The following ZNF766 variants were observed in gnomAD, a reference collection of about 807,000 sequenced individuals.
The protein encoded by ZNF766 is zinc finger protein 766.
Under a neutral mutation model 13.2 loss-of-function variants are expected in ZNF766, and 13 were observed. The ratio of observed to expected loss-of-function variants is 0.98; its 90% CI spans 0.64 to 1.56. The LOEUF (loss-of-function observed/expected upper bound fraction) is 1.56, where lower values mean the gene tolerates loss of function less well. Among genes scored for constraint, ZNF766 ranks in the 40% most tolerant of loss-of-function variants. The pLI, the probability that ZNF766 is intolerant of heterozygous loss-of-function variation, is 0.00. For missense variants in ZNF766, 521 were observed against 552.2 expected (o/e 0.94, Z 0.57); for synonymous variants, 178 against 187.6 (o/e 0.95, Z 0.42).
chr19:52,280,586 A>C (rs1028169804), intron 1 of ZNF766, among the ~76,000 whole-genome samples: 2 of 151,818 alleles, frequency 1.3e-5, no homozygotes, highest in African/African-American at 4.8e-5. Flanking sequence ...TTTTAATTTT[A>C]TTTTTCATTT....
At chr19:52,286,056 A>G (rs939822192) in intron 3 of ZNF766, among the ~76,000 whole-genome samples, 13 of 151,338 alleles carry the variant, frequency 8.6e-5, no homozygotes, top group African/African-American at 3.2e-4. Context: ...TCAATGAAAG[A>G]GAGTTAATAA....
intron 1 of ZNF766, among the ~76,000 whole-genome samples, chr19:52,270,152 T>C (rs1980912898): frequency 6.6e-6 from 1 of 152,040 alleles, no homozygotes; most frequent in South Asian, 2.1e-4. Flanking sequence ...CCGGGACCTA[T>C]CTCAGGGCAC....
At chr19:52,288,912 C>G (rs1981969319) in intron 3 of ZNF766, among the ~76,000 whole-genome samples, 2 of 152,128 alleles carry the variant, frequency 1.3e-5, no homozygotes, top group African/African-American at 4.8e-5. Flanking sequence ...GTGGCACGAT[C>G]TCGGCTCACT....
At chr19:52,285,888 T>A (rs1206909375) in intron 3 of ZNF766, among the ~76,000 whole-genome samples, 1 of 152,156 alleles carries the variant, frequency 6.6e-6, no homozygotes. Flanking sequence ...ACCCAAAGAC[T>A]GTAGCAAGGG....
chr19:52,291,249 T>G lies in ZNF766; in HGVS notation c.*51T>G. The G allele has an allele frequency of 1.3e-6, 2 of 1,489,698 alleles. No homozygotes were observed. The highest frequency in any genetic ancestry group is 2.8e-5 in the African/African-American group (2 of 71,238). The allele number at this position is 1,489,698 out of a possible 1,614,324, so 92.3% of individuals were successfully genotyped here. On this transcript the variant is annotated 3_prime_UTR_variant, in exon 4 of 4. Coordinates refer to ENST00000439461, the MANE Select transcript of ZNF766 (RefSeq NM_001010851.3). ...TAGCAGTAATCAACATCCGAGAGTCTATACTAGAAAGAAATCATTTAAATG... is the reference window on the plus strand; with the variant it reads ...TAGCAGTAATCAACATCCGAGAGTCGATACTAGAAAGAAATCATTTAAATG...
At chr19:52,280,473 A>C (rs1344061720) in intron 1 of ZNF766, among the ~76,000 whole-genome samples, 1 of 152,222 alleles carries the variant, frequency 6.6e-6, no homozygotes, top group Non-Finnish European at 1.5e-5. Context: ...TTATAAACTA[A>C]GTGTGTGTAA....
Position 52,292,780 on chromosome 19 carries a change from T to C in ZNF766, c.*1582T>C, listed in dbSNP as rs1222096370. 2 of 152,236 alleles carry C rather than the reference T, an allele frequency of 1.3e-5. No individual in the cohort carries two copies. The highest frequency in any genetic ancestry group is 2.9e-5 in the Non-Finnish European group (2 of 68,052). 9.4% of individuals were successfully genotyped at this position (152,236 alleles called of 1,614,324 possible). A position where few individuals can be genotyped will look rare whatever the true frequency, so the allele number is the denominator to read the frequency against. On this transcript the variant is annotated 3_prime_UTR_variant, in exon 4 of 4. Transcript: ENST00000439461. The stretch of plus-strand genomic sequence containing the variant: ...TTTATCTCGTCTCAGGAGGATACTT[T>C]ATAGCAGACAATAATAAGGCACCAT...
chr19:52,282,280 A>G, intron 2 of ZNF766, 43 bp downstream of exon 2: 1 of 1,543,190 alleles, frequency 6.5e-7, no homozygotes, highest in Non-Finnish European at 8.7e-7. Context: ...TGCCCTTAGT[A>G]TCTCTGCATT....
At chr19:52,275,840 C>G (rs918185515) in intron 1 of ZNF766, among the ~76,000 whole-genome samples, 3 of 152,060 alleles carry the variant, frequency 2.0e-5, no homozygotes, top group African/African-American at 7.2e-5. Context: ...ACTTTCATGC[C>G]TAGCTAATTT....
intron 1 of ZNF766, among the ~76,000 whole-genome samples, chr19:52,274,252 C>A (rs764520748): frequency 6.6e-6 from 1 of 152,150 alleles, no homozygotes; most frequent in Non-Finnish European, 1.5e-5. Flanking sequence ...ATCTTCAAGA[C>A]CCTTATATAA....
rs992947209 is a variant in ZNF766 at position 52,294,685 on chromosome 19, G to A, written c.*3487G>A. ...GAGGGAGTGCAGAGGTGTAAAAGGCGTTGGTGTTCAGACATCACAAAATGC... is the reference window on the plus strand; with the variant it reads ...GAGGGAGTGCAGAGGTGTAAAAGGCATTGGTGTTCAGACATCACAAAATGC... On this transcript the variant is annotated 3_prime_UTR_variant, in exon 4 of 4. Transcript: ENST00000439461. 4 of 152,148 alleles carry A rather than the reference G, an allele frequency of 2.6e-5. No homozygotes were observed. Among genetic ancestry groups the A allele is most frequent in the Non-Finnish European group, 4.4e-5 (3 of 68,038 alleles). 9.4% of individuals were successfully genotyped at this position (152,148 alleles called of 1,614,324 possible). A position where few individuals can be genotyped will look rare whatever the true frequency, so the allele number is the denominator to read the frequency against.
Position 52,283,399 on chromosome 19 carries a change from A to G in ZNF766, c.260A>G (p.Lys87Arg). Residue 87 changes from lysine to arginine, a missense_variant, in exon 3 of 4, where the codon AAA becomes AGA. Transcript: ENST00000439461. ...AKNPDRWEGI[K>R]DINTGRSCAV... The stretch of plus-strand genomic sequence containing the variant: ...AATCCAGATAGGTGGGAAGGTATCA[A>G]AGATATCAACACAGGTAAGAGCTCA... 6.2e-7 allele frequency: 1 copy of G among 1,600,602 alleles called. No individual in the cohort carries two copies. The highest frequency in any genetic ancestry group is 2.2e-5 in the East Asian group (1 of 44,592).
intron 1 of ZNF766, among the ~76,000 whole-genome samples, chr19:52,270,948 C>A (rs1905341035): frequency 1.3e-5 from 2 of 151,992 alleles, no homozygotes; most frequent in African/African-American, 4.8e-5. Context: ...GCTCGCCTGG[C>A]CAATTTTGTA....
chr19:52,287,945 T>G, intron 3 of ZNF766: 2 of 412,112 alleles, frequency 4.9e-6, no homozygotes, highest in South Asian at 3.5e-5. Flanking sequence ...CCTGACTTTC[T>G]CTAGTGCTTC....
intron 1 of ZNF766, among the ~76,000 whole-genome samples, chr19:52,279,453 A>G (rs929920276): frequency 6.6e-6 from 1 of 152,164 alleles, no homozygotes; most frequent in East Asian, 1.9e-4. Flanking sequence ...TTCTTTGGGC[A>G]GTATGGTCAT....
chr19:52,279,996 A>G (rs1026807472), intron 1 of ZNF766, among the ~76,000 whole-genome samples: 15 of 151,914 alleles, frequency 9.9e-5, no homozygotes, highest in South Asian at 2.1e-4. Context: ...GGGTTTCACC[A>G]TGTTGGCCAG....
At position 52,294,402 on chromosome 19, in the gene ZNF766, T is replaced by C. The variant is rs1056996671; in HGVS notation, c.*3204T>C. ...TCCACCTGAAGTTTGGTTTGGGTATTGAGAATGATGATGCCATTCACTAAT... is the reference window on the plus strand; with the variant it reads ...TCCACCTGAAGTTTGGTTTGGGTATCGAGAATGATGATGCCATTCACTAAT... On this transcript the variant is annotated 3_prime_UTR_variant, in exon 4 of 4. Coordinates refer to ENST00000439461, the MANE Select transcript of ZNF766 (RefSeq NM_001010851.3). 2 of 152,218 alleles carry C rather than the reference T, an allele frequency of 1.3e-5. No individual in the cohort carries two copies. The highest frequency in any genetic ancestry group is 4.8e-5 in the African/African-American group (2 of 41,448). 9.4% of individuals were successfully genotyped at this position (152,218 alleles called of 1,614,324 possible). A position where few individuals can be genotyped will look rare whatever the true frequency, so the allele number is the denominator to read the frequency against.
chr19:52,276,660 A>C (rs1369696135), intron 1 of ZNF766, among the ~76,000 whole-genome samples: 1 of 152,226 alleles, frequency 6.6e-6, no homozygotes, highest in Non-Finnish European at 1.5e-5. Flanking sequence ...AATCTGTCAC[A>C]GGCATCCTTT....
intron 1 of ZNF766, 139 bp from the exon 2 acceptor site, chr19:52,281,972 A>G: frequency 9.5e-7 from 1 of 1,052,314 alleles, no homozygotes. Flanking sequence ...TAACTAGCTC[A>G]AAAATACCTT....
Sources: gnomAD v4.1 joint callset for allele counts (sites outside exome capture counted in the v4.1 genomes callset) on GRCh38, gnomAD v4.1.1 for gene constraint, MANE v1.5 for transcripts, NCBI Gene and HGNC (gene_info 2026-07-23, HGNC 2026-07-21) for gene names.